The following TMPRSS11F variants were observed in gnomAD, a reference collection of about 807,000 sequenced individuals.
TMPRSS11F encodes the protein transmembrane protease serine 11F.
Under a neutral mutation model 60.2 loss-of-function variants are expected in TMPRSS11F, and 47 were observed. That is an observed-to-expected ratio of 0.78 (90% CI 0.62 to 1.00). The LOEUF is 1.00. Among genes scored for constraint, TMPRSS11F ranks in the 50% least tolerant of loss-of-function variants. The pLI is 0.00. For synonymous variants in TMPRSS11F, 166 were observed against 167.3 expected, an observed-to-expected ratio of 0.99 and a Z score of 0.06; for missense variants, 519 against 522.9, an observed-to-expected ratio of 0.99 and a Z score of 0.07.
chr4:68,069,684 T>C (rs541441805), intron 6 of TMPRSS11F, among the ~76,000 whole-genome samples: 1 of 152,094 alleles, frequency 6.6e-6, no homozygotes, highest in South Asian at 2.1e-4. Context: ...TGTTAGATAA[T>C]ATTAAAAGTT....
At position 68,090,528 on chromosome 4, in the gene TMPRSS11F, T is replaced by G; in HGVS notation, c.277A>C (p.Arg93=). 1 of 1,584,400 alleles carries G rather than the reference T, an allele frequency of 6.3e-7. No homozygotes were observed. The highest frequency in any genetic ancestry group is 1.7e-4 in the Middle Eastern group (1 of 5,904). Residue 93 remains arginine (R), a synonymous_variant, in exon 3 of 10, where the codon AGA becomes CGA. Coordinates refer to ENST00000356291, the MANE Select transcript of TMPRSS11F (RefSeq NM_207407.2). ...AAAATTTCTGTTGAGCTTACCATTCTTTCAATCTGATGACTCCTTTCTATA... is the reference window on the plus strand; with the variant it reads ...AAAATTTCTGTTGAGCTTACCATTCGTTCAATCTGATGACTCCTTTCTATA... The part of the protein sequence containing the change: ...EFIERSHQIE[R]MMSRIFRHSS...
At chr4:68,105,290 A>G (rs1265747640) in intron 1 of TMPRSS11F, among the ~76,000 whole-genome samples, 2 of 151,994 alleles carry the variant, frequency 1.3e-5, no homozygotes, top group Non-Finnish European at 2.9e-5. Context: ...TCTTCATGTT[A>G]AAGTAAAATT....
chr4:68,120,616 C>T lies in TMPRSS11F; in HGVS notation c.11+9194G>A, dbSNP rs988029502. On this transcript the variant is annotated intron_variant, in intron 1 of 9. Coordinates refer to ENST00000356291, the MANE Select transcript of TMPRSS11F (RefSeq NM_207407.2). ...TTTTAGCCGGGATGGTCTCGATCTC[C>T]TGACCTCGTGATCCGCCCGCCTCGG... Among the ~76,000 whole-genome samples, 177 of 152,034 alleles carry T rather than the reference C, an allele frequency of 1.2e-3. 1 individual carries two copies. Among genetic ancestry groups the T allele is most frequent in the Admixed American group, 2.0e-3 (31 of 15,272 alleles).
At chr4:68,067,411 T>G (rs1439482924) in intron 7 of TMPRSS11F, among the ~76,000 whole-genome samples, 3 of 152,238 alleles carry the variant, frequency 2.0e-5, no homozygotes, top group Admixed American at 6.5e-5. Flanking sequence ...GCACTGGACC[T>G]GCTGAAACAA....
chr4:68,072,228 A>T (rs796601460), intron 5 of TMPRSS11F, 95 bp downstream of exon 5: 47,264 of 77,616 alleles, frequency 0.61, 17,095 homozygotes, highest in East Asian at 0.78. Flanking sequence ...TTCCAAAAAA[A>T]AAATATATAT....
At chr4:68,116,891 G>C (rs965623233) in intron 1 of TMPRSS11F, among the ~76,000 whole-genome samples, 8 of 152,066 alleles carry the variant, frequency 5.3e-5, no homozygotes, top group African/African-American at 1.9e-4. Flanking sequence ...AAAACTCTTA[G>C]AAGAAAACAT....
At chr4:68,072,530 T>C in intron 4 of TMPRSS11F, 44 bp from the exon 5 acceptor site, 5 of 1,392,012 alleles carry the variant, frequency 3.6e-6, no homozygotes, top group Non-Finnish European at 4.7e-6. Flanking sequence ...TATCTAATCA[T>C]TAATGACTTT....
At position 68,073,005 on chromosome 4, in the gene TMPRSS11F, A is replaced by C. The variant is rs141894968; in HGVS notation, c.351-519T>G. On this transcript the variant is annotated intron_variant, in intron 4 of 9. Coordinates refer to ENST00000356291, the MANE Select transcript of TMPRSS11F (RefSeq NM_207407.2). Reference sequence around the variant, plus strand: ...CTTTCTAATGAATCTGGCCAATGAAATATGGAAAGAAATAATGTTCCCCAC... The same window carrying C: ...CTTTCTAATGAATCTGGCCAATGAACTATGGAAAGAAATAATGTTCCCCAC... Among the ~76,000 whole-genome samples, 218 of 152,316 alleles carry C rather than the reference A, an allele frequency of 1.4e-3. 2 individuals are homozygous for C. Among genetic ancestry groups the C allele is most frequent in the African/African-American group, 5.1e-3 (213 of 41,562 alleles).
intron 1 of TMPRSS11F, among the ~76,000 whole-genome samples, chr4:68,127,373 G>A (rs1322066808): frequency 6.6e-6 from 1 of 151,972 alleles, no homozygotes; most frequent in Non-Finnish European, 1.5e-5. Flanking sequence ...TGATCACAAC[G>A]TGCCATCAGA....
intron 3 of TMPRSS11F, chr4:68,077,718 A>T (rs542825068): frequency 6.6e-6 from 1 of 152,362 alleles, no homozygotes; most frequent in East Asian, 1.9e-4. Flanking sequence ...GTTGTAACTG[A>T]AGTACCAGTA....
rs76947114 is a variant in TMPRSS11F at position 68,122,471 on chromosome 4, C to A, written c.11+7339G>T. ...AATACCAATATTTCATTAAGTATAC[C>A]GAGGGATTTGGAATCTAGCTTTCAT... On this transcript the variant is annotated intron_variant, in intron 1 of 9. Coordinates refer to ENST00000356291, the MANE Select transcript of TMPRSS11F (RefSeq NM_207407.2). Among the ~76,000 whole-genome samples the A allele has an allele frequency of 1.6e-4, 25 of 152,134 alleles. No individual in the cohort carries two copies. In the East Asian group the frequency reaches 2.1e-3, roughly 13 times the overall value.
chr4:68,060,227 G>T (rs1723131682), intron 8 of TMPRSS11F, among the ~76,000 whole-genome samples: 1 of 151,698 alleles, frequency 6.6e-6, no homozygotes, highest in Non-Finnish European at 1.5e-5. Context: ...GCAGTAGTTG[G>T]CCAGGCGTGG....
Position 68,084,526 on chromosome 4 carries a change from G to T in TMPRSS11F, c.282+5997C>A, listed in dbSNP as rs180704623. Among the ~76,000 whole-genome samples, 30 of 152,206 alleles carry T rather than the reference G, an allele frequency of 2.0e-4. No individual in the cohort carries two copies. In the East Asian group the frequency reaches 5.4e-3, roughly 27 times the overall value. On this transcript the variant is annotated intron_variant, in intron 3 of 9. Coordinates refer to ENST00000356291, the MANE Select transcript of TMPRSS11F (RefSeq NM_207407.2). ...ATATTTTCAGCATCCTTAAAGAAAA[G>T]AAATTCCTACCAAGAACTTCATTCC...
chr4:68,129,051 G>A (rs1724767320), intron 1 of TMPRSS11F, among the ~76,000 whole-genome samples: 1 of 152,120 alleles, frequency 6.6e-6, no homozygotes, highest in Non-Finnish European at 1.5e-5. Context: ...TGGGAAATTT[G>A]TGTCTGTAGA....
intron 1 of TMPRSS11F, among the ~76,000 whole-genome samples, chr4:68,114,427 C>G (rs546373358): frequency 2.9e-4 from 44 of 152,016 alleles, no homozygotes; most frequent in Non-Finnish European, 4.9e-4. Flanking sequence ...TAAATAAATG[C>G]TATGAATAAC....
chr4:68,124,945 A>ATTTTTTTTTTTTTTT (rs370189875), intron 1 of TMPRSS11F, among the ~76,000 whole-genome samples: 2 of 94,112 alleles, frequency 2.1e-5, no homozygotes, highest in Admixed American at 1.5e-4. Context: ...CTAAACCAGC[A>ATTTTTTTTTTTTTTT]TTTTTTTTTT....
At chr4:68,115,629 A>C (rs1724503392) in intron 1 of TMPRSS11F, among the ~76,000 whole-genome samples, 1 of 152,180 alleles carries the variant, frequency 6.6e-6, no homozygotes, top group Non-Finnish European at 1.5e-5. Flanking sequence ...AAAATCCTTG[A>C]GAATCTGCCA....
At chr4:68,128,374 CT>C (rs1473425237) in intron 1 of TMPRSS11F, among the ~76,000 whole-genome samples, 1 of 152,042 alleles carries the variant, frequency 6.6e-6, no homozygotes, top group Non-Finnish European at 1.5e-5. Flanking sequence ...ATTACATGTA[CT>C]GAAATAGTGC....
chr4:68,096,870 T>C (rs1457082277), intron 2 of TMPRSS11F, among the ~76,000 whole-genome samples: 2 of 152,244 alleles, frequency 1.3e-5, no homozygotes, highest in African/African-American at 2.4e-5. Context: ...GATCTATTCA[T>C]GTACAATCTA....
Sources: allele counts gnomAD v4.1 joint callset (sites outside exome capture counted in the v4.1 genomes callset), GRCh38; gene constraint gnomAD v4.1.1; transcripts MANE v1.5; gene names NCBI Gene and HGNC (gene_info 2026-07-23, HGNC 2026-07-21).